UVRAG: variants seen among roughly 807,000 people sequenced by gnomAD.
The protein encoded by UVRAG is UV radiation resistance associated.
Under a neutral mutation model 78.0 loss-of-function variants are expected in UVRAG, and 19 were observed. The ratio of observed to expected loss-of-function variants is 0.24; its 90% confidence interval spans 0.17 to 0.36. The LOEUF is 0.36. Among genes scored for constraint, UVRAG ranks in the 10% least tolerant of loss-of-function variants. UVRAG has a pLI of 1.00. For synonymous variants in UVRAG, 323 were observed against 324.6 expected (o/e 1.00, Z 0.05); for missense variants, 740 against 853.8 (o/e 0.87, Z 1.66).
chr11:75,940,681 G>C (rs916882348), intron 6 of UVRAG, among the ~76,000 whole-genome samples: 15 of 152,258 alleles, frequency 9.9e-5, no homozygotes, highest in African/African-American at 3.6e-4. Flanking sequence ...GCTAATATTT[G>C]AGTACTTATC....
chr11:75,954,211 G>C (rs751827766), intron 6 of UVRAG, among the ~76,000 whole-genome samples: 3 of 152,182 alleles, frequency 2.0e-5, no homozygotes, highest in Non-Finnish European at 4.4e-5. Context: ...TGGAGGAAAT[G>C]TGACTCTGTC....
At chr11:76,084,934 G>T (rs1300017528) in intron 13 of UVRAG, among the ~76,000 whole-genome samples, 1 of 151,592 alleles carries the variant, frequency 6.6e-6, no homozygotes, top group Non-Finnish European at 1.5e-5. Flanking sequence ...CATGGTGGCG[G>T]GTGCCTGTAA....
At chr11:75,980,405 A>T (rs958280029) in intron 7 of UVRAG, among the ~76,000 whole-genome samples, 1 of 152,128 alleles carries the variant, frequency 6.6e-6, no homozygotes, top group East Asian at 1.9e-4. Context: ...GGCTCAAGCA[A>T]TCCTCCCACC....
At position 75,983,493 on chromosome 11, in the gene UVRAG, A is replaced by G; in HGVS notation, c.806A>G (p.Gln269Arg). The G allele has an allele frequency of 6.2e-7, 1 of 1,608,180 alleles. No individual in the cohort carries two copies. The highest frequency in any genetic ancestry group is 1.1e-5 in the South Asian group (1 of 90,104). ...GREVALLHKQ[Q>R]IALQDKGSAF... ...GAGGTGGCATTACTGCATAAGCAAC[A>G]AATTGCATTACAAGACAAAGGTGAG... is the stretch of plus-strand genomic sequence containing the variant. The change falls in exon 8 of 15, where the codon CAA becomes CGA. Residue 269 changes from glutamine (Q) to arginine (R), a missense_variant. Transcript: ENST00000356136.
At chr11:75,837,407 A>G (rs1253334347) in intron 1 of UVRAG, 3 of 152,194 alleles carry the variant, frequency 2.0e-5, no homozygotes, top group African/African-American at 7.2e-5. Context: ...AACCCATGCA[A>G]CATCTTCCTG....
chr11:76,074,265 G>A (rs749142030), intron 13 of UVRAG, among the ~76,000 whole-genome samples: 2 of 152,158 alleles, frequency 1.3e-5, no homozygotes, highest in Non-Finnish European at 2.9e-5. Context: ...CTTAGAGAAT[G>A]TGGCCATCCA....
At chr11:76,115,762 G>A in intron 13 of UVRAG, 162 bp from the exon 14 acceptor site, 1 of 622,394 alleles carries the variant, frequency 1.6e-6, no homozygotes, top group Non-Finnish European at 2.8e-6. Context: ...TTATCTATAT[G>A]TCAAATACCC....
intron 7 of UVRAG, among the ~76,000 whole-genome samples, chr11:75,982,364 G>T (rs562739230): frequency 5.9e-5 from 9 of 152,314 alleles, no homozygotes; most frequent in African/African-American, 9.6e-5. Flanking sequence ...TAAATTCTTA[G>T]CTGGGAGGAG....
chr11:75,938,659 G>A (rs1948426175), intron 6 of UVRAG, among the ~76,000 whole-genome samples: 1 of 152,178 alleles, frequency 6.6e-6, no homozygotes, highest in Non-Finnish European at 1.5e-5. Flanking sequence ...TGGCTGTCAG[G>A]AATAGGCCCT....
intron 6 of UVRAG, among the ~76,000 whole-genome samples, chr11:75,943,196 G>T (rs1948520701): frequency 6.6e-6 from 1 of 151,850 alleles, no homozygotes. Context: ...CCCCCACTTT[G>T]GTAGCGTTTT....
intron 5 of UVRAG, among the ~76,000 whole-genome samples, chr11:75,892,033 A>G (rs184347181): frequency 1.4e-4 from 21 of 152,346 alleles, no homozygotes; most frequent in African/African-American, 5.1e-4. Context: ...TGCTGTGACT[A>G]AAAGGGCTTG....
chr11:76,042,733 T>G (rs1304437420), intron 12 of UVRAG, among the ~76,000 whole-genome samples: 1 of 152,242 alleles, frequency 6.6e-6, no homozygotes, highest in African/African-American at 2.4e-5. Flanking sequence ...ATAAAAGTAT[T>G]AATTCTGTGA....
chr11:75,947,484 G>A (rs775037170), intron 6 of UVRAG, among the ~76,000 whole-genome samples: 4 of 152,098 alleles, frequency 2.6e-5, no homozygotes, highest in Admixed American at 6.6e-5. Flanking sequence ...GAATAGAATC[G>A]TAGAATAATG....
intron 5 of UVRAG, among the ~76,000 whole-genome samples, chr11:75,907,286 T>G (rs1947635771): frequency 6.6e-6 from 1 of 152,218 alleles, no homozygotes; most frequent in Admixed American, 6.5e-5. Flanking sequence ...TTTCTTGTTT[T>G]TGATATTGGG....
intron 13 of UVRAG, among the ~76,000 whole-genome samples, chr11:76,076,698 A>G (rs537882435): frequency 1.2e-4 from 19 of 152,248 alleles, no homozygotes; most frequent in African/African-American, 4.6e-4. Flanking sequence ...TCTAATGGCT[A>G]ATGATGTTGA....
chr11:76,042,659 A>G (rs1046215392), intron 12 of UVRAG, among the ~76,000 whole-genome samples: 1 of 152,220 alleles, frequency 6.6e-6, no homozygotes, highest in East Asian at 1.9e-4. Context: ...AGTTTTATGC[A>G]CTAAGACAGA....
chr11:75,844,079 TTG>T (rs947906576), intron 1 of UVRAG, among the ~76,000 whole-genome samples: 6 of 152,086 alleles, frequency 3.9e-5, no homozygotes, highest in Non-Finnish European at 8.8e-5. Context: ...CTGAGCTGAA[TTG>T]TGTGAACATC....
At chr11:75,991,474 ATGTAATAT>A (rs1949605411) in intron 8 of UVRAG, among the ~76,000 whole-genome samples, 1 of 152,188 alleles carries the variant, frequency 6.6e-6, no homozygotes, top group South Asian at 2.1e-4. Context: ...TACTATAAAT[ATGTAATAT>A]TGTTTAATCA....
rs966313446 is a variant in UVRAG at position 75,976,465 on chromosome 11, T to C, written c.700-6922T>C. ...TGGTACCAGCTCCTCTTTGTGCCTC[T>C]GGTAGAATTTGGCTGTGAATCTGTC... On this transcript the variant is annotated intron_variant, in intron 7 of 14. Coordinates refer to ENST00000356136, the MANE Select transcript of UVRAG (RefSeq NM_003369.4). Among the ~76,000 whole-genome samples, 79 of 152,326 alleles carry C rather than the reference T, an allele frequency of 5.2e-4. 1 individual carries two copies. The highest frequency in any genetic ancestry group is 1.9e-3 in the African/African-American group (77 of 41,580).
Sources: allele counts gnomAD v4.1 joint callset (sites outside exome capture counted in the v4.1 genomes callset), GRCh38; gene constraint gnomAD v4.1.1; transcripts MANE v1.5; gene names NCBI Gene and HGNC (gene_info 2026-07-23, HGNC 2026-07-21).